CARMIL2: variants seen among roughly 807,000 people sequenced by gnomAD.
The protein encoded by CARMIL2 is capping protein, Arp2/3 and myosin-I linker protein 2.
CARMIL2 carries 96 observed loss-of-function variants against 173.3 expected under a neutral mutation model. The observed-to-expected ratio is 0.55, with a 90% CI of 0.47 to 0.66. The LOEUF is 0.66. Among genes scored for constraint, CARMIL2 ranks in the 30% least tolerant of loss-of-function variants. CARMIL2 has a pLI of 0.00. For missense variants in CARMIL2, 1,771 were observed against 1,906.7 expected (o/e 0.93, Z 1.33); for synonymous variants, 830 against 817.1 (o/e 1.02, Z -0.27).
At position 67,649,655 on chromosome 16, in the gene CARMIL2, G is replaced by A; in HGVS notation, c.1919+36G>A. On this transcript the variant is annotated intron_variant, in intron 20 of 37. Transcript: ENST00000334583. This position sits in a 1 kb window ranked among gnomAD's most constrained non-coding sequence, Gnocchi z 6.7. Reference sequence around the variant, plus strand: ...TCAGAGGGGTGGGACCAGCGGGCAGGGGGCGCGGTGGAGAGGAGGGCACCG... The same window carrying A: ...TCAGAGGGGTGGGACCAGCGGGCAGAGGGCGCGGTGGAGAGGAGGGCACCG... 1.3e-6 allele frequency: 2 copies of A among 1,564,936 alleles called. No individual in the cohort carries two copies. The highest frequency in any genetic ancestry group is 1.7e-6 in the Non-Finnish European group (2 of 1,159,956).
Position 67,648,788 on chromosome 16 carries a change from G to T in CARMIL2, c.1509+34G>T. The T allele has an allele frequency of 6.3e-7, 1 of 1,580,048 alleles. No individual in the cohort carries two copies. The highest frequency in any genetic ancestry group is 2.3e-5 in the East Asian group (1 of 42,658). On this transcript the variant is annotated intron_variant, in intron 16 of 37. Transcript: ENST00000334583. The surrounding 1 kb of genome is among the most constrained non-coding windows in gnomAD (Gnocchi z 6.1). ...CGGCCCCCAGAAGAGACCACACATTGGGAGAGGCGCTGGGAGGCGGAAGGG... is the reference window on the plus strand; with the variant it reads ...CGGCCCCCAGAAGAGACCACACATTTGGAGAGGCGCTGGGAGGCGGAAGGG...
In CARMIL2 at chr16:67,646,713, G is replaced by C; in HGVS notation, c.467-1G>C. 1 of 1,613,924 alleles carries C rather than the reference G, an allele frequency of 6.2e-7. No homozygotes were observed. Among genetic ancestry groups the C allele is most frequent in the Non-Finnish European group, 8.5e-7 (1 of 1,179,846 alleles). On this transcript the variant is annotated splice_acceptor_variant, in intron 6 of 37. Coordinates refer to ENST00000334583, the MANE Select transcript of CARMIL2 (RefSeq NM_001013838.3). LOFTEE classifies it high-confidence loss of function. The surrounding 1 kb of genome is among the most constrained non-coding windows in gnomAD (Gnocchi z 4.6). ...ACATCGCACCCCTATCCCCTCCCCA[G>C]GTGGCTTCTTGGAGACATACGAGGC...
Position 67,656,621 on chromosome 16 carries a change from C to A in CARMIL2, c.4012C>A (p.Pro1338Thr). Residue 1338 changes from proline (P) to threonine (T), a missense_variant, in exon 35 of 38, where the codon CCT (proline) becomes ACT (threonine). By Grantham distance (38) the Pro-to-Thr change is conservative (BLOSUM62 -1). This residue lies in a region of CARMIL2 where 817 missense variants were observed against 903.5 expected (regional missense o/e 0.90). Transcript: ENST00000334583. ...SPDSLGLPED[P>T]CLGPRNEDGQ... Reference sequence around the variant, plus strand: ...AGACAGCCTGGGCCTCCCAGAGGACCCTTGCTTGGGCCCCAGAAATGAAGG... The same window carrying A: ...AGACAGCCTGGGCCTCCCAGAGGACACTTGCTTGGGCCCCAGAAATGAAGG... The A allele has an allele frequency of 6.3e-7, 1 of 1,598,016 alleles. No homozygotes were observed. The highest frequency in any genetic ancestry group is 8.5e-7 in the Non-Finnish European group (1 of 1,172,478).
At chr16:67,645,310 T>C (rs1158873798) in intron 1 of CARMIL2, 24 bp downstream of exon 1, 2 of 1,595,518 alleles carry the variant, frequency 1.3e-6, no homozygotes, top group Non-Finnish European at 1.7e-6. Context: ...CTTCCTGCCT[T>C]CTTGGCCGGG....
rs2052634622 is a variant in CARMIL2, at chr16:67,648,115, A to G, written c.1135A>G (p.Thr379Ala). ...LSFLNLAGTD[T>A]ALDTVRGCSV... is the part of the protein sequence containing the mutation. ...GTTCCTGAATCTCGCAGGCACCGAC[A>G]CTGCCCTGGACACTGTGAGGGGGTG... is the stretch of plus-strand genomic sequence containing the variant. Residue 379 changes from threonine to alanine, a missense_variant, in exon 14 of 38, where the codon ACT becomes GCT. Thr to Ala is a moderately conservative substitution (Grantham distance 58). Around this residue, in one of 3 missense-constraint regions of CARMIL2, gnomAD observed 944 missense variants for 975.6 expected, o/e 0.97. Transcript: ENST00000334583. This position sits in a 1 kb window ranked among gnomAD's most constrained non-coding sequence, Gnocchi z 6.1. 1 of 1,612,226 alleles carries G rather than the reference A, an allele frequency of 6.2e-7. No individual in the cohort carries two copies. The highest frequency in any genetic ancestry group is 8.5e-7 in the Non-Finnish European group (1 of 1,179,300).
chr16:67,648,973 C>A lies in CARMIL2; in HGVS notation c.1590C>A (p.Asn530Lys), dbSNP rs1567629968. The change falls in exon 17 of 38, where the codon AAC (asparagine) becomes AAA (lysine). Residue 530 changes from asparagine (N) to lysine (K), a missense_variant and splice_region_variant. Transcript: ENST00000334583. The surrounding 1 kb of genome is among the most constrained non-coding windows in gnomAD (Gnocchi z 6.1). ...GAVSSLDLAD[N>K]GFGSDMVTLV... is the part of the protein sequence containing the mutation. ...TGAGCTCCCTGGATCTGGCGGATAA[C>A]GGTGAGGCTGCAGGAGAGCCCATCC... The A allele has an allele frequency of 6.2e-7, 1 of 1,608,396 alleles. No homozygotes were observed. Among genetic ancestry groups the A allele is most frequent in the Middle Eastern group, 1.7e-4 (1 of 6,048 alleles).
chr16:67,656,120 G>A (rs2052848254), intron 33 of CARMIL2, 53 bp downstream of exon 33: 1 of 1,611,272 alleles, frequency 6.2e-7, no homozygotes, highest in African/African-American at 1.3e-5. Flanking sequence ...TGTCCTTATA[G>A]ACAGCCCCCA....
At chr16:67,650,993 G>A (rs950960887) in intron 22 of CARMIL2, 194 bp from the exon 23 acceptor site, 4 of 592,964 alleles carry the variant, frequency 6.7e-6, no homozygotes, top group Admixed American at 6.0e-5. Context: ...CTTAGGAAGT[G>A]TATATAAAGT....
chr16:67,656,964 C>A, intron 36 of CARMIL2, 83 bp downstream of exon 36: 1 of 1,162,896 alleles, frequency 8.6e-7, no homozygotes, highest in Non-Finnish European at 1.2e-6. Context: ...TAGCTTTGGT[C>A]CTTGGAGGGA....
rs1204472154 is a variant in CARMIL2 at position 67,654,206 on chromosome 16, G to A, written c.3178G>A (p.Val1060Met). The change falls in exon 30 of 38, where the codon GTG becomes ATG. Residue 1060 changes from valine to methionine, a missense_variant. By Grantham distance (21) the Val-to-Met change is conservative. Coordinates refer to ENST00000334583, the MANE Select transcript of CARMIL2 (RefSeq NM_001013838.3). ...NGLSARVDEG[V>M]EEFFSKRLIQ... ...GCTCAGTGCCCGCGTGGACGAGGGC[G>A]TGGAGGAATTCTTCTCCAAAAGGCT... The A allele has an allele frequency of 1.9e-6, 3 of 1,571,810 alleles. No individual in the cohort carries two copies. The highest frequency in any genetic ancestry group is 2.4e-5 in the East Asian group (1 of 42,548).
chr16:67,653,184 G>A lies in CARMIL2; in HGVS notation c.3050G>A (p.Arg1017His), dbSNP rs1188876047. Residue 1017 changes from arginine to histidine, a missense_variant, in exon 29 of 38, where the codon CGC (arginine) becomes CAC (histidine). This residue lies in a region of CARMIL2 where 817 missense variants were observed against 903.5 expected (regional missense o/e 0.90). Coordinates refer to ENST00000334583, the MANE Select transcript of CARMIL2 (RefSeq NM_001013838.3). The surrounding 1 kb of genome is among the most constrained non-coding windows in gnomAD (Gnocchi z 7.4). ...MDLPLAGQPL[R>H]HPTRARPRPR... ...CTGCCACTGGCGGGGCAGCCCCTGCGCCATCCGACCCGGGCCCGGCCGCGG... is the reference window on the plus strand; with the variant it reads ...CTGCCACTGGCGGGGCAGCCCCTGCACCATCCGACCCGGGCCCGGCCGCGG... 2 of 1,117,644 alleles carry A rather than the reference G, an allele frequency of 1.8e-6. No individual in the cohort carries two copies. Among genetic ancestry groups the A allele is most frequent in the African/African-American group, 1.7e-5 (1 of 60,386 alleles). The allele number at this position is 1,117,644 out of a possible 1,614,324, so 69.2% of individuals were successfully genotyped here. A position where few individuals can be genotyped will look rare whatever the true frequency, so the allele number is the denominator to read the frequency against.
rs1387665164 is a variant in CARMIL2 at position 67,656,083 on chromosome 16, G to A, written c.3742+16G>A. 1.2e-6 allele frequency: 2 copies of A among 1,607,334 alleles called. No individual in the cohort carries two copies. Among genetic ancestry groups the A allele is most frequent in the Admixed American group, 1.7e-5 (1 of 58,566 alleles). On this transcript the variant is annotated intron_variant, in intron 33 of 37. Coordinates refer to ENST00000334583, the MANE Select transcript of CARMIL2 (RefSeq NM_001013838.3). ...GGCTCAGATGGTAAGTGGGACCCTG[G>A]GGTGTGGCAGTACATTTGCCAGGAG... is the stretch of plus-strand genomic sequence containing the variant.
Position 67,648,356 on chromosome 16 carries a change from C to T in CARMIL2, c.1334+42C>T. 1.3e-6 allele frequency: 2 copies of T among 1,549,826 alleles called. No individual in the cohort carries two copies. The highest frequency in any genetic ancestry group is 1.9e-5 in the Admixed American group (1 of 51,354). On this transcript the variant is annotated intron_variant, in intron 14 of 37. Transcript: ENST00000334583. This position sits in a 1 kb window ranked among gnomAD's most constrained non-coding sequence, Gnocchi z 6.1. ...GGGGCCGGGGGAGGCTGCTGGAAGC[C>T]GCCTCCTTGCGGCCCCAGGCCCACC...
Position 67,648,049 on chromosome 16 carries a change from C to T in CARMIL2, c.1072-3C>T, listed in dbSNP as rs537583149. ...CTCCATCGCACCCCTGTCCTCCCTC[C>T]AGGGCCTCTATAGCTTCCTGAGCCG... On this transcript the variant is annotated splice_polypyrimidine_tract_variant and splice_region_variant and intron_variant, in intron 13 of 37. Transcript: ENST00000334583. The surrounding 1 kb of genome is among the most constrained non-coding windows in gnomAD (Gnocchi z 6.1). 1.6e-5 allele frequency: 26 copies of T among 1,611,550 alleles called. No homozygotes were observed. In the South Asian group the frequency reaches 2.5e-4, roughly 16 times the overall value.
At position 67,651,082 on chromosome 16, in the gene CARMIL2, G is replaced by C; in HGVS notation, c.2185-105G>C. The C allele has an allele frequency of 1.4e-6, 2 of 1,384,172 alleles. No individual in the cohort carries two copies. The highest frequency in any genetic ancestry group is 2.0e-6 in the Non-Finnish European group (2 of 1,015,990). 85.7% of individuals were successfully genotyped at this position (1,384,172 alleles called of 1,614,324 possible). On this transcript the variant is annotated intron_variant, in intron 22 of 37. Coordinates refer to ENST00000334583, the MANE Select transcript of CARMIL2 (RefSeq NM_001013838.3). The surrounding 1 kb of genome is among the most constrained non-coding windows in gnomAD (Gnocchi z 4.2). ...GTTCCAAAGTGGCTGGTCTAAGGGT[G>C]TCAGCTTCAGGACCTCCCTCTGTTA...
chr16:67,653,309 C>A lies in CARMIL2; in HGVS notation c.3120+55C>A. 1 of 917,674 alleles carries A rather than the reference C, an allele frequency of 1.1e-6. No homozygotes were observed. The highest frequency in any genetic ancestry group is 5.2e-5 in the South Asian group (1 of 19,358). The allele number at this position is 917,674 out of a possible 1,614,324, so 56.8% of individuals were successfully genotyped here. A position where few individuals can be genotyped will look rare whatever the true frequency, so the allele number is the denominator to read the frequency against. On this transcript the variant is annotated intron_variant, in intron 29 of 37. Transcript: ENST00000334583. The surrounding 1 kb of genome is among the most constrained non-coding windows in gnomAD (Gnocchi z 7.4). ...GTGGAATTGGGGATCACGGGTGGCC[C>A]GGCCGCTCCTCATGGGTGGTAGCGG...
rs929221548 is a variant in CARMIL2 at position 67,654,086 on chromosome 16, G to A, written c.3121-63G>A. The A allele has an allele frequency of 2.9e-3, 3,173 of 1,088,698 alleles. 74 individuals carry two copies. Among genetic ancestry groups the A allele is most frequent in the Admixed American group, 3.8e-3 (165 of 43,210 alleles). The allele number at this position is 1,088,698 out of a possible 1,614,324, so 67.4% of individuals were successfully genotyped here. A position where few individuals can be genotyped will look rare whatever the true frequency, so the allele number is the denominator to read the frequency against. The stretch of plus-strand genomic sequence containing the variant: ...TTCAGTCCAGGCTGCCGGCCGGGGG[G>A]GGGGGGGGGTAGAAGCCAGAGTTGC... On this transcript the variant is annotated intron_variant, in intron 29 of 37. Coordinates refer to ENST00000334583, the MANE Select transcript of CARMIL2 (RefSeq NM_001013838.3).
rs574812266 is a variant in CARMIL2, at chr16:67,654,748, T to C, written c.3583-30T>C. 30 of 1,612,052 alleles carry C rather than the reference T, an allele frequency of 1.9e-5. No individual in the cohort carries two copies. In the East Asian group the frequency reaches 6.5e-4, roughly 35 times the overall value. ...CGCTTCTGGGACCCAGGGCGCGGACTGTCTCCAACTCGAGCATCTCTGTCC... is the reference window on the plus strand; with the variant it reads ...CGCTTCTGGGACCCAGGGCGCGGACCGTCTCCAACTCGAGCATCTCTGTCC... On this transcript the variant is annotated intron_variant, in intron 31 of 37. Coordinates refer to ENST00000334583, the MANE Select transcript of CARMIL2 (RefSeq NM_001013838.3).
At position 67,657,470 on chromosome 16, in the gene CARMIL2, C is replaced by G. The variant is rs1170875570; in HGVS notation, c.4260C>G (p.Ser1420Arg). 6.2e-7 allele frequency: 1 copy of G among 1,611,748 alleles called. No homozygotes were observed. The highest frequency in any genetic ancestry group is 8.5e-7 in the Non-Finnish European group (1 of 1,179,012). ...QPTEPSSPER[S>R]PPSPATDQRG... ...CAGAGCCCTCCAGCCCTGAGCGGAG[C>G]CCACCCTCCCCAGCCACAGACCAAA... The change falls in exon 38 of 38, where the codon AGC becomes AGG. Residue 1420 changes from serine (S) to arginine (R), a missense_variant. Coordinates refer to ENST00000334583, the MANE Select transcript of CARMIL2 (RefSeq NM_001013838.3). This position sits in a 1 kb window ranked among gnomAD's most constrained non-coding sequence, Gnocchi z 4.5.
Sources: allele counts gnomAD v4.1 joint callset, GRCh38; gene constraint gnomAD v4.1.1; regional missense constraint gnomAD v4.1.1; non-coding constraint Gnocchi (gnomAD v3.1); transcripts MANE v1.5; gene names NCBI Gene and HGNC (gene_info 2026-07-23, HGNC 2026-07-21).